CTTNBP2: variants seen among roughly 807,000 people sequenced by gnomAD.
CTTNBP2 encodes cortactin binding protein 2.
Under a neutral mutation model 156.9 loss-of-function variants are expected in CTTNBP2, and 108 were observed. The observed-to-expected ratio is 0.69, with a 90% CI of 0.59 to 0.81. CTTNBP2 has a LOEUF of 0.81. Among genes scored for constraint, CTTNBP2 ranks in the 30% least tolerant of loss-of-function variants. CTTNBP2 has a pLI of 0.00. For missense variants in CTTNBP2, 1,924 were observed against 2,035.4 expected (o/e 0.95, Z 1.05); for synonymous variants, 767 against 751.8 (o/e 1.02, Z -0.33).
rs764103771 is a variant in CTTNBP2 at position 117,719,589 on chromosome 7, A to T, written c.4559T>A (p.Leu1520His). 2 of 1,613,162 alleles carry T rather than the reference A, an allele frequency of 1.2e-6. No homozygotes were observed. The highest frequency in any genetic ancestry group is 8.5e-7 in the Non-Finnish European group (1 of 1,179,162). Reference protein sequence around the residue: ...LSLTLNLDQRLSLGSDDEADL... With the variant: ...LSLTLNLDQRHSLGSDDEADL... ...TGCTTCGTCATCTGAACCCAGAGAG[A>T]GTCTCTGATCCAAATTCAACGTCAG... The change falls in exon 21 of 23, where the codon CTC becomes CAC. Residue 1520 changes from leucine to histidine, a missense_variant. By Grantham distance (99) the Leu-to-His change is moderately conservative (BLOSUM62 -3). Transcript: ENST00000160373.
chr7:117,719,257 A>G (rs1344242576), intron 21 of CTTNBP2, among the ~76,000 whole-genome samples: 1 of 152,232 alleles, frequency 6.6e-6, no homozygotes, highest in East Asian at 1.9e-4. Flanking sequence ...TACTAATGCA[A>G]TTAACATACA....
intron 7 of CTTNBP2, 42 bp from the exon 8 acceptor site, chr7:117,777,807 T>C: frequency 6.4e-7 from 1 of 1,561,122 alleles, no homozygotes; most frequent in Non-Finnish European, 8.7e-7. Flanking sequence ...GATAACAACA[T>C]TAATGTCAAG....
chr7:117,871,896 C>T, intron 1 of CTTNBP2: 1 of 835,714 alleles, frequency 1.2e-6, no homozygotes, highest in Non-Finnish European at 1.4e-6. Flanking sequence ...TTTCCTCGTC[C>T]TTCCCCTTCC....
intron 7 of CTTNBP2, among the ~76,000 whole-genome samples, chr7:117,779,188 T>G (rs1294517824): frequency 1.4e-4 from 21 of 152,174 alleles, no homozygotes. Flanking sequence ...TGTGGACACC[T>G]TTACTTGGGT....
chr7:117,756,342 T>C (rs17140391), intron 12 of CTTNBP2, among the ~76,000 whole-genome samples: 6,555 of 152,076 alleles, frequency 0.043, 453 homozygotes, highest in African/African-American at 0.15. Flanking sequence ...AGGTGGTCTC[T>C]GGATCCAGGC....
chr7:117,870,062 G>T (rs551631749), intron 1 of CTTNBP2, among the ~76,000 whole-genome samples: 8 of 152,288 alleles, frequency 5.3e-5, no homozygotes, highest in South Asian at 2.1e-4. Context: ...TTCTATGGAA[G>T]TTTCTAGATC....
At chr7:117,746,439 A>G (rs2116564430) in intron 12 of CTTNBP2, among the ~76,000 whole-genome samples, 1 of 152,278 alleles carries the variant, frequency 6.6e-6, no homozygotes, top group South Asian at 2.1e-4. Flanking sequence ...TCCTTTGCAG[A>G]TGCTCTTTAT....
intron 17 of CTTNBP2, among the ~76,000 whole-genome samples, chr7:117,725,902 T>C (rs935589402): frequency 6.6e-6 from 1 of 152,160 alleles, no homozygotes; most frequent in African/African-American, 2.4e-5. Context: ...TTGGCCAGGC[T>C]GGTCTCGAAC....
intron 8 of CTTNBP2, among the ~76,000 whole-genome samples, chr7:117,776,257 C>T (rs1316614021): frequency 6.6e-6 from 1 of 152,260 alleles, no homozygotes. Flanking sequence ...CTCATTATTT[C>T]CACTGCTGTC....
intron 2 of CTTNBP2, among the ~76,000 whole-genome samples, chr7:117,828,494 G>A (rs1801425443): frequency 6.6e-6 from 1 of 152,200 alleles, no homozygotes; most frequent in South Asian, 2.1e-4. Context: ...ATCATTTGCA[G>A]TAACAGGGTA....
chr7:117,791,647 C>A lies in CTTNBP2; in HGVS notation c.1549G>T (p.Asp517Tyr). The change falls in exon 4 of 23, where the codon GAT (aspartate) becomes TAT (tyrosine). Residue 517 changes from aspartate (D) to tyrosine (Y), a missense_variant. By Grantham distance (160) the Asp-to-Tyr change is radical. Coordinates refer to ENST00000160373, the MANE Select transcript of CTTNBP2 (RefSeq NM_033427.3). ...CCAACTGGAGGGTGGGTGCCAACAT[C>A]CCCTGTTGGGGGCACTCCAGGCCTT... ...PSRPGVPPTG[D>Y]VGTHPPVGRT... The A allele has an allele frequency of 6.8e-6, 11 of 1,614,162 alleles. No homozygotes were observed. The highest frequency in any genetic ancestry group is 8.5e-6 in the Non-Finnish European group (10 of 1,180,038).
chr7:117,849,190 C>T (rs1329883188), intron 2 of CTTNBP2, among the ~76,000 whole-genome samples: 1 of 152,198 alleles, frequency 6.6e-6, no homozygotes, highest in Non-Finnish European at 1.5e-5. Flanking sequence ...GACACCTAAT[C>T]AGCATCAGCG....
At chr7:117,799,229 T>C (rs1799481424) in intron 3 of CTTNBP2, among the ~76,000 whole-genome samples, 1 of 151,690 alleles carries the variant, frequency 6.6e-6, no homozygotes, top group Non-Finnish European at 1.5e-5. Context: ...AGAGAAAACA[T>C]CTCTCTTGGA....
At chr7:117,861,827 G>A (rs925399547) in intron 1 of CTTNBP2, among the ~76,000 whole-genome samples, 4 of 151,930 alleles carry the variant, frequency 2.6e-5, no homozygotes, top group African/African-American at 7.3e-5. Flanking sequence ...TGTGTTACTC[G>A]GGTCACAAAG....
At chr7:117,779,199 A>G (rs764984017) in intron 7 of CTTNBP2, among the ~76,000 whole-genome samples, 2 of 152,222 alleles carry the variant, frequency 1.3e-5, no homozygotes, top group Non-Finnish European at 2.9e-5. Context: ...TTACTTGGGT[A>G]GTATAACAGT....
chr7:117,803,008 C>T (rs915407183), intron 3 of CTTNBP2, among the ~76,000 whole-genome samples: 1 of 152,162 alleles, frequency 6.6e-6, no homozygotes, highest in African/African-American at 2.4e-5. Flanking sequence ...TACCATCCAA[C>T]CCAGCAAACC....
intron 1 of CTTNBP2, among the ~76,000 whole-genome samples, chr7:117,866,369 C>T (rs1804199272): frequency 6.6e-6 from 1 of 152,160 alleles, no homozygotes; most frequent in African/African-American, 2.4e-5. Flanking sequence ...CATTATGAGC[C>T]ACAATGGCAG....
intron 3 of CTTNBP2, among the ~76,000 whole-genome samples, chr7:117,795,056 G>C (rs567962501): frequency 6.6e-6 from 1 of 150,894 alleles, no homozygotes; most frequent in African/African-American, 2.4e-5. Flanking sequence ...CACCGCGCCC[G>C]GCTAATTTTT....
chr7:117,751,180 A>G (rs1423819056), intron 12 of CTTNBP2, among the ~76,000 whole-genome samples: 1 of 152,200 alleles, frequency 6.6e-6, no homozygotes, highest in African/African-American at 2.4e-5. Context: ...TTTCCTGCAG[A>G]ATGGGGTTTA....
Sources: gnomAD v4.1 joint callset for allele counts (sites outside exome capture counted in the v4.1 genomes callset) on GRCh38, gnomAD v4.1.1 for gene constraint, MANE v1.5 for transcripts, NCBI Gene and HGNC (gene_info 2026-07-23, HGNC 2026-07-21) for gene names.